Variants in PACRG observed in about 807,000 individuals in gnomAD.
PACRG encodes the protein parkin coregulated.
Under a neutral mutation model 29.7 loss-of-function variants are expected in PACRG, and 29 were observed. The ratio of observed to expected loss-of-function variants is 0.98; its 90% CI spans 0.73 to 1.33. The LOEUF (loss-of-function observed/expected upper bound fraction) is 1.33, where lower values mean the gene tolerates loss of function less well. PACRG is among the 40% of genes most tolerant of loss of function. The pLI is 0.00. For missense variants in PACRG, 279 were observed against 316.2 expected (o/e 0.88, Z 0.89); for synonymous variants, 116 against 118.7 (o/e 0.98, Z 0.15).
intron 2 of PACRG, among the ~76,000 whole-genome samples, chr6:162,839,115 C>T (rs1354026383): frequency 3.7e-5 from 5 of 134,392 alleles, no homozygotes; most frequent in Non-Finnish European, 6.2e-5. Flanking sequence ...CCCAGTAATG[C>T]GATGGCTGGG....
intron 4 of PACRG, among the ~76,000 whole-genome samples, chr6:163,118,297 T>A (rs576737876): frequency 6.6e-6 from 1 of 152,326 alleles, no homozygotes; most frequent in Non-Finnish European, 1.5e-5. Flanking sequence ...ATCTGTCTTA[T>A]TTTTGCATCA....
intron 2 of PACRG, among the ~76,000 whole-genome samples, chr6:163,035,571 G>T (rs1418579216): frequency 6.6e-6 from 1 of 152,078 alleles, no homozygotes; most frequent in Non-Finnish European, 1.5e-5. Flanking sequence ...ACTTGAACTT[G>T]GGAGGCGGAA....
chr6:162,780,930 A>T (rs1784048445), intron 1 of PACRG, among the ~76,000 whole-genome samples: 1 of 152,078 alleles, frequency 6.6e-6, no homozygotes, highest in Non-Finnish European at 1.5e-5. Flanking sequence ...ATATACATGT[A>T]ATTCAAGTCA....
In PACRG at chr6:162,965,113, G is replaced by A. The variant is rs116310244; in HGVS notation, c.292-97037G>A. On this transcript the variant is annotated intron_variant, in intron 2 of 4. Transcript: ENST00000366888. ...GGGTGCGAGTAGACACATGGACGAAGGGTTGCATCAGTGATTATACTTTAT... is the reference window on the plus strand; with the variant it reads ...GGGTGCGAGTAGACACATGGACGAAAGGTTGCATCAGTGATTATACTTTAT... Among the ~76,000 whole-genome samples the A allele has an allele frequency of 5.1e-3, 778 of 152,320 alleles. 12 individuals are homozygous for A. The highest frequency in any genetic ancestry group is 0.018 in the African/African-American group (745 of 41,562).
intron 2 of PACRG, among the ~76,000 whole-genome samples, chr6:162,982,690 C>T (rs572219956): frequency 6.6e-6 from 1 of 151,974 alleles, no homozygotes; most frequent in East Asian, 1.9e-4. Flanking sequence ...TTTTGATTTT[C>T]TTAAATGTAT....
chr6:162,731,636 A>G (rs576212672), intron 1 of PACRG, among the ~76,000 whole-genome samples: 30 of 152,276 alleles, frequency 2.0e-4, no homozygotes, highest in Non-Finnish European at 4.1e-4. Flanking sequence ...ACTGTATTCC[A>G]AATTTGAACA....
intron 2 of PACRG, among the ~76,000 whole-genome samples, chr6:162,884,625 T>C (rs1208852571): frequency 6.6e-6 from 1 of 152,214 alleles, no homozygotes. Flanking sequence ...TGAATTTTAG[T>C]TACAAGCAGT....
At chr6:163,024,825 A>G (rs924727130) in intron 2 of PACRG, among the ~76,000 whole-genome samples, 1 of 152,214 alleles carries the variant, frequency 6.6e-6, no homozygotes, top group Admixed American at 6.5e-5. Context: ...AAAATTCCTC[A>G]ACAAAATGCT....
intron 2 of PACRG, among the ~76,000 whole-genome samples, chr6:162,862,510 A>G (rs1476240367): frequency 6.6e-6 from 1 of 152,242 alleles, no homozygotes; most frequent in Non-Finnish European, 1.5e-5. Context: ...GCAACATCTA[A>G]GTTGTACCTG....
At chr6:163,079,714 C>T (rs934662012) in intron 3 of PACRG, among the ~76,000 whole-genome samples, 27 of 152,036 alleles carry the variant, frequency 1.8e-4, no homozygotes, top group African/African-American at 6.3e-4. Context: ...TTTTCAAACT[C>T]CTTCTTGGAA....
chr6:163,057,699 C>G (rs1245136787), intron 2 of PACRG, among the ~76,000 whole-genome samples: 3 of 152,240 alleles, frequency 2.0e-5, no homozygotes, highest in Non-Finnish European at 4.4e-5. Context: ...TTAAAAGCCT[C>G]AAGGCTAGGA....
intron 2 of PACRG, among the ~76,000 whole-genome samples, chr6:162,913,512 A>G (rs1796458788): frequency 6.6e-6 from 1 of 152,188 alleles, no homozygotes; most frequent in African/African-American, 2.4e-5. Context: ...AAAGCTACTA[A>G]AAGCATTCAT....
At chr6:163,197,693 C>T (rs1017627408) in intron 4 of PACRG, among the ~76,000 whole-genome samples, 5 of 152,024 alleles carry the variant, frequency 3.3e-5, no homozygotes, top group African/African-American at 9.7e-5. Flanking sequence ...TCATGATCCG[C>T]CTGCCTCGGC....
chr6:163,069,601 C>T (rs1811858344), intron 3 of PACRG, among the ~76,000 whole-genome samples: 1 of 151,108 alleles, frequency 6.6e-6, no homozygotes, highest in Non-Finnish European at 1.5e-5. Flanking sequence ...TTGGAAAACA[C>T]ACACTCAGGA....
At chr6:162,750,011 A>G (rs943972189) in intron 1 of PACRG, among the ~76,000 whole-genome samples, 2 of 152,176 alleles carry the variant, frequency 1.3e-5, no homozygotes, top group African/African-American at 4.8e-5. Flanking sequence ...GTATATTTAC[A>G]TTTGCATTCA....
At chr6:162,746,856 A>T (rs1295260588) in intron 1 of PACRG, among the ~76,000 whole-genome samples, 2 of 152,288 alleles carry the variant, frequency 1.3e-5, no homozygotes, top group African/African-American at 4.8e-5. Context: ...ATTGACTAGG[A>T]TCTTGCAGAT....
At chr6:163,166,526 C>T (rs1778821387) in intron 4 of PACRG, among the ~76,000 whole-genome samples, 2 of 152,202 alleles carry the variant, frequency 1.3e-5, no homozygotes. Context: ...ACGTGCTCAA[C>T]AAAAGATTTG....
At chr6:163,248,421 A>T (rs1029464977) in intron 4 of PACRG, among the ~76,000 whole-genome samples, 72 of 139,076 alleles carry the variant, frequency 5.2e-4, no homozygotes, top group African/African-American at 2.1e-3. Flanking sequence ...AGGGGAGTGC[A>T]TATTTTATGC....
intron 4 of PACRG, among the ~76,000 whole-genome samples, chr6:163,265,309 C>G (rs2128177038): frequency 6.6e-6 from 1 of 152,236 alleles, no homozygotes; most frequent in African/African-American, 2.4e-5. Context: ...CATCCTTTTC[C>G]CTGGATGAGG....
Sources: allele counts gnomAD v4.1 joint callset (sites outside exome capture counted in the v4.1 genomes callset), GRCh38; gene constraint gnomAD v4.1.1; transcripts MANE v1.5; gene names NCBI Gene and HGNC (gene_info 2026-07-23, HGNC 2026-07-21).